RTKN: variants seen among roughly 807,000 people sequenced by gnomAD.
The protein encoded by RTKN is rhotekin.
Under a neutral mutation model 63.5 loss-of-function variants are expected in RTKN, and 49 were observed. That is an observed-to-expected ratio of 0.77 (90% CI 0.61 to 0.98). The LOEUF (loss-of-function observed/expected upper bound fraction) is 0.98. Among genes scored for constraint, RTKN ranks in the 50% least tolerant of loss-of-function variants. The probability of loss-of-function intolerance (pLI) is 0.00; values close to 1 mark genes in which losing one functional copy is unlikely to be tolerated. For synonymous variants in RTKN, 295 were observed against 290.4 expected, an observed-to-expected ratio of 1.02 and a Z score of -0.16; for missense variants, 685 against 740.8, an observed-to-expected ratio of 0.92 and a Z score of 0.87.
intron 2 of RTKN, chr2:74,431,754 G>C (rs1670764536): frequency 6.5e-6 from 1 of 153,526 alleles, no homozygotes; most frequent in Admixed American, 6.5e-5. Context: ...TGAGGGGCTG[G>C]GACTATTTCC....
intron 1 of RTKN, among the ~76,000 whole-genome samples, chr2:74,438,302 A>T (rs1330390678): frequency 6.6e-6 from 1 of 152,032 alleles, no homozygotes; most frequent in Non-Finnish European, 1.5e-5. Flanking sequence ...ATCCTGTCAG[A>T]CCTACCACCA....
chr2:74,438,280 A>G (rs1019638195), intron 1 of RTKN, among the ~76,000 whole-genome samples: 2 of 151,850 alleles, frequency 1.3e-5, no homozygotes, highest in Non-Finnish European at 2.9e-5. Flanking sequence ...CTCCCATCCA[A>G]TCCATCAGCA....
At chr2:74,427,938 T>C in intron 9 of RTKN, 1 of 483,198 alleles carries the variant, frequency 2.1e-6, no homozygotes, top group Non-Finnish European at 3.7e-6. Context: ...GAAGGGCAAT[T>C]GGACCTGGAG....
rs528318893 is a variant in RTKN, at chr2:74,441,626, G to A, written c.111+80C>T. 4.0e-6 allele frequency: 4 copies of A among 993,154 alleles called. No homozygotes were observed. The African/African-American group carries it at 6.3e-5, about 16-fold the overall frequency. 61.5% of individuals were successfully genotyped at this position (993,154 alleles called of 1,614,324 possible). ...CGTCTCCGCCCCTCGGCGTGCACGC[G>A]GGCGAGGGAAGGAGGCCGAGGTGGC... On this transcript the variant is annotated intron_variant, in intron 1 of 11. Transcript: ENST00000272430.
chr2:74,426,855 T>C (rs943172817), intron 11 of RTKN: 8 of 1,336,834 alleles, frequency 6.0e-6, no homozygotes, highest in Non-Finnish European at 7.6e-6. Context: ...ATGAAAGCGG[T>C]GCCAGGCAAG....
intron 1 of RTKN, among the ~76,000 whole-genome samples, chr2:74,433,257 CAT>C (rs1262494465): frequency 4.5e-4 from 65 of 144,306 alleles, no homozygotes; most frequent in African/African-American, 1.2e-3. Flanking sequence ...AAAAAAAAAA[CAT>C]ATATATATAT....
In RTKN at chr2:74,441,878, T is replaced by C; in HGVS notation, c.-62A>G. ...CCCCGCGCCGCCCGGCTTAGCCTCCTCTCCTCGGCTTCTGTCTCTCGACGC... is the reference window on the plus strand; with the variant it reads ...CCCCGCGCCGCCCGGCTTAGCCTCCCCTCCTCGGCTTCTGTCTCTCGACGC... On this transcript the variant is annotated 5_prime_UTR_variant, in exon 1 of 12. Transcript: ENST00000272430. 1.0e-6 allele frequency: 1 copy of C among 1,002,104 alleles called. No individual in the cohort carries two copies. The highest frequency in any genetic ancestry group is 1.5e-6 in the Non-Finnish European group (1 of 655,170). 62.1% of individuals were successfully genotyped at this position (1,002,104 alleles called of 1,614,324 possible). A position where few individuals can be genotyped will look rare whatever the true frequency, so the allele number is the denominator to read the frequency against.
chr2:74,433,659 G>GT (rs1385031274), intron 1 of RTKN, among the ~76,000 whole-genome samples: 1 of 151,860 alleles, frequency 6.6e-6, no homozygotes, highest in Non-Finnish European at 1.5e-5. Context: ...CCGGCTAATT[G>GT]TTTTTTTGTA....
Position 74,430,004 on chromosome 2 carries a change from T to C in RTKN, c.579A>G (p.Leu193=), listed in dbSNP as rs750087155. Residue 193 remains leucine, a synonymous_variant, in exon 6 of 12, where the codon TTA becomes TTG. Coordinates refer to ENST00000272430, the MANE Select transcript of RTKN (RefSeq NM_001015055.2). The stretch of plus-strand genomic sequence containing the variant: ...CTTCCACACAGGCCCCATACAGCTC[T>C]AACCGCAGTTCAAAGTCTGGCCCCG... ...AEAGPDFELR[L]ELYGACVEEE... 2 of 1,614,088 alleles carry C rather than the reference T, an allele frequency of 1.2e-6. No individual in the cohort carries two copies. Among genetic ancestry groups the C allele is most frequent in the Non-Finnish European group, 1.7e-6 (2 of 1,179,928 alleles).
chr2:74,432,315 G>A (rs751303894), intron 2 of RTKN, 152 bp downstream of exon 2: 10 of 807,694 alleles, frequency 1.2e-5, no homozygotes, highest in Non-Finnish European at 1.9e-5. Context: ...ACACAGTGGT[G>A]GTAAAACACC....
At chr2:74,440,074 G>A (rs1671274902) in intron 1 of RTKN, 6 of 792,000 alleles carry the variant, frequency 7.6e-6, no homozygotes, top group Non-Finnish European at 7.8e-6. Context: ...TGTGCGGAGA[G>A]GGCAGTGAGG....
At chr2:74,438,380 CT>C (rs1183099495) in intron 1 of RTKN, among the ~76,000 whole-genome samples, 2 of 152,158 alleles carry the variant, frequency 1.3e-5, no homozygotes, top group African/African-American at 2.4e-5. Context: ...TCACTCCCAC[CT>C]GAAGTGGGAG....
chr2:74,428,848 C>T lies in RTKN; in HGVS notation c.850G>A (p.Glu284Lys). ...RTHDLTLASH[E>K]ENPAWLPLYG... ...GTCCCCCATGCACACACATACTTAC[C>T]ATGACTGGCAAGGGTGAGGTCATGT... is the stretch of plus-strand genomic sequence containing the variant. The change falls in exon 7 of 12, where the codon GAG becomes AAG. Residue 284 changes from glutamate to lysine, a missense_variant and splice_region_variant. Physicochemically the swap from Glu to Lys is moderately conservative, Grantham distance 56. Coordinates refer to ENST00000272430, the MANE Select transcript of RTKN (RefSeq NM_001015055.2). 1 of 1,613,840 alleles carries T rather than the reference C, an allele frequency of 6.2e-7. No homozygotes were observed. The highest frequency in any genetic ancestry group is 1.1e-5 in the South Asian group (1 of 91,024).
intron 2 of RTKN, chr2:74,430,938 C>G: frequency 2.0e-6 from 1 of 509,988 alleles, no homozygotes; most frequent in South Asian, 2.8e-5. Flanking sequence ...TCCAAGCAAC[C>G]TCCCTGACCA....
chr2:74,435,343 T>A (rs1670995814), intron 1 of RTKN, among the ~76,000 whole-genome samples: 1 of 152,218 alleles, frequency 6.6e-6, no homozygotes, highest in Non-Finnish European at 1.5e-5. Flanking sequence ...GCTGTGAGAA[T>A]TCTGTGAGGC....
intron 9 of RTKN, 126 bp downstream of exon 9, chr2:74,428,142 G>T: frequency 8.1e-7 from 1 of 1,229,734 alleles, no homozygotes; most frequent in Non-Finnish European, 1.2e-6. Context: ...GAAGCTGGAT[G>T]TGGCACTGTC....
At chr2:74,426,896 C>A in intron 11 of RTKN, 1 of 1,357,976 alleles carries the variant, frequency 7.4e-7, no homozygotes, top group Non-Finnish European at 9.4e-7. Context: ...CAGGAATCCA[C>A]ATGCAGAAAG....
intron 10 of RTKN, 35 bp from the exon 11 acceptor site, chr2:74,427,308 G>A: frequency 1.2e-6 from 2 of 1,609,514 alleles, no homozygotes; most frequent in Non-Finnish European, 1.7e-6. Context: ...GAGAGAGCCA[G>A]GCTGCCCTTT....
rs893601975 is a variant in RTKN at position 74,439,838 on chromosome 2, G to T, written c.111+1868C>A. On this transcript the variant is annotated intron_variant, in intron 1 of 11. Coordinates refer to ENST00000272430, the MANE Select transcript of RTKN (RefSeq NM_001015055.2). ...AATTTTCCTCGCCCACTGCTGCTCC[G>T]GGGCCCTGCCGGGAGCCAGGCAGGG... 10 of 1,380,378 alleles carry T rather than the reference G, an allele frequency of 7.2e-6. No homozygotes were observed. The African/African-American group carries it at 1.3e-4, about 18-fold the overall frequency. The allele number at this position is 1,380,378 out of a possible 1,614,324, so 85.5% of individuals were successfully genotyped here.
Sources: allele counts gnomAD v4.1 joint callset (sites outside exome capture counted in the v4.1 genomes callset), GRCh38; gene constraint gnomAD v4.1.1; transcripts MANE v1.5; gene names NCBI Gene and HGNC (gene_info 2026-07-23, HGNC 2026-07-21).